Variants in NRXN3 observed in about 807,000 individuals in gnomAD.
The protein encoded by NRXN3 is neurexin III.
A neutral mutation model predicts 137.6 loss-of-function variants in NRXN3; 32 were observed. That is an observed-to-expected ratio of 0.23 (90% CI 0.18 to 0.31). NRXN3 has a LOEUF of 0.31. Ranked by LOEUF, NRXN3 falls within the 10% of genes least tolerant of loss-of-function variation. The pLI is 1.00. For missense variants in NRXN3, 1,574 were observed against 2,062.5 expected, an observed-to-expected ratio of 0.76 and a Z score of 4.59; for synonymous variants, 798 against 784.5, an observed-to-expected ratio of 1.02 and a Z score of -0.29.
At chr14:79,137,452 G>A (rs1390490511) in intron 15 of NRXN3, among the ~76,000 whole-genome samples, 2 of 8,422 alleles carry the variant, frequency 2.4e-4, no homozygotes, top group Non-Finnish European at 4.4e-4. Context: ...CTAAAAACCT[G>A]AGACATAAAC....
chr14:79,414,520 G>T (rs530204890), intron 15 of NRXN3, among the ~76,000 whole-genome samples: 1 of 152,004 alleles, frequency 6.6e-6, no homozygotes, highest in African/African-American at 2.4e-5. Flanking sequence ...TAAAGCAATC[G>T]TAGCAAAAAA....
intron 17 of NRXN3, among the ~76,000 whole-genome samples, chr14:79,670,267 G>A (rs1215102324): frequency 2.0e-5 from 3 of 152,102 alleles, no homozygotes; most frequent in South Asian, 4.2e-4. Flanking sequence ...CTCATCTAAT[G>A]AGTTTTGATA....
chr14:79,678,511 C>A (rs1186743132), intron 17 of NRXN3, among the ~76,000 whole-genome samples: 1 of 152,124 alleles, frequency 6.6e-6, no homozygotes, highest in Non-Finnish European at 1.5e-5. Flanking sequence ...CTCTATAATT[C>A]ACAATCAAAA....
intron 8 of NRXN3, among the ~76,000 whole-genome samples, chr14:78,778,830 TTTC>T (rs2098757987): frequency 6.7e-6 from 1 of 148,390 alleles, no homozygotes; most frequent in African/African-American, 2.5e-5. Context: ...CTTTTCCTTC[TTTC>T]TTTTTTCTAC....
intron 20 of NRXN3, among the ~76,000 whole-genome samples, chr14:79,808,741 G>C (rs989925446): frequency 6.6e-6 from 1 of 152,120 alleles, no homozygotes; most frequent in African/African-American, 2.4e-5. Context: ...GGGTAGTTTA[G>C]TGTGTGCTAT....
At chr14:78,299,480 CCCCTCCTACATTCTTTTTT>C (rs2076667943) in intron 4 of NRXN3, among the ~76,000 whole-genome samples, 1 of 7,290 alleles carries the variant, frequency 1.4e-4, no homozygotes, top group Non-Finnish European at 2.4e-4. Flanking sequence ...ATTCTTTTTT[CCCCTCCTACATTCTTTTTT>C]CCCCTCCTAC....
chr14:79,631,073 AG>A (rs1164014777), intron 16 of NRXN3, among the ~76,000 whole-genome samples: 3 of 152,218 alleles, frequency 2.0e-5, no homozygotes, highest in Non-Finnish European at 4.4e-5. Context: ...ATCGTGTAAA[AG>A]TCATCCATTG....
At chr14:79,062,054 A>G (rs1004548775) in intron 15 of NRXN3, among the ~76,000 whole-genome samples, 1 of 152,176 alleles carries the variant, frequency 6.6e-6, no homozygotes, top group Admixed American at 6.5e-5. Flanking sequence ...TTATTTAGTA[A>G]AACGTCCATA....
intron 4 of NRXN3, among the ~76,000 whole-genome samples, chr14:78,336,279 G>A (rs2081457159): frequency 6.6e-6 from 1 of 152,208 alleles, no homozygotes; most frequent in South Asian, 2.1e-4. Context: ...TATCTTTAAT[G>A]TGTTAATAAT....
At chr14:79,005,922 T>C (rs2099551677) in intron 15 of NRXN3, among the ~76,000 whole-genome samples, 1 of 152,220 alleles carries the variant, frequency 6.6e-6, no homozygotes, top group African/African-American at 2.4e-5. Flanking sequence ...GTAGCACTGA[T>C]CTTACACATA....
At chr14:79,208,900 A>C (rs559829001) in intron 15 of NRXN3, among the ~76,000 whole-genome samples, 17 of 149,842 alleles carry the variant, frequency 1.1e-4, no homozygotes, top group Admixed American at 3.3e-4. Flanking sequence ...ACCAATCTAT[A>C]TTCCCACCAA....
chr14:79,358,673 C>G (rs2093572345), intron 15 of NRXN3, among the ~76,000 whole-genome samples: 1 of 103,364 alleles, frequency 9.7e-6, no homozygotes, highest in Non-Finnish European at 2.3e-5. Context: ...AAGAAAGTGT[C>G]CTAAAAGAAG....
At chr14:78,730,610 C>A (rs1473015744) in intron 8 of NRXN3, among the ~76,000 whole-genome samples, 3 of 152,156 alleles carry the variant, frequency 2.0e-5, no homozygotes, top group African/African-American at 7.2e-5. Flanking sequence ...TGGTGCCTAC[C>A]AGCTACCTAG....
chr14:79,109,515 G>A (rs2152876480), intron 15 of NRXN3, among the ~76,000 whole-genome samples: 1 of 152,256 alleles, frequency 6.6e-6, no homozygotes, highest in South Asian at 2.1e-4. Flanking sequence ...TCCTTTTATT[G>A]TCATACATGA....
At chr14:79,531,951 A>T (rs4903863) in intron 16 of NRXN3, among the ~76,000 whole-genome samples, 1 of 151,894 alleles carries the variant, frequency 6.6e-6, no homozygotes, top group Non-Finnish European at 1.5e-5. Context: ...TCAATCATCC[A>T]TGTGTCCCTC....
At chr14:79,811,168 T>C (rs988724436) in intron 20 of NRXN3, among the ~76,000 whole-genome samples, 1 of 152,178 alleles carries the variant, frequency 6.6e-6, no homozygotes, top group African/African-American at 2.4e-5. Context: ...TGTTGGAGTA[T>C]GACAGATCTA....
intron 16 of NRXN3, among the ~76,000 whole-genome samples, chr14:79,501,987 G>T (rs2096830765): frequency 6.6e-6 from 1 of 152,184 alleles, no homozygotes; most frequent in Non-Finnish European, 1.5e-5. Context: ...GCTAGATGTT[G>T]ATCCTTGAGT....
intron 10 of NRXN3, among the ~76,000 whole-genome samples, chr14:78,899,771 T>C (rs1260749072): frequency 6.6e-6 from 1 of 152,028 alleles, no homozygotes; most frequent in Admixed American, 6.6e-5. Flanking sequence ...TAAATGTTTC[T>C]ATAAAAGTAC....
chr14:79,763,030 C>A (rs1035816807), intron 19 of NRXN3, among the ~76,000 whole-genome samples: 2 of 151,164 alleles, frequency 1.3e-5, no homozygotes, highest in Non-Finnish European at 2.9e-5. Flanking sequence ...CCTCCCACCC[C>A]CTGACAGGCC....
Sources: allele counts gnomAD v4.1 joint callset (sites outside exome capture counted in the v4.1 genomes callset), GRCh38; gene constraint gnomAD v4.1.1; transcripts MANE v1.5; gene names NCBI Gene and HGNC (gene_info 2026-07-23, HGNC 2026-07-21).